Variants in VPS41 observed in about 807,000 individuals in gnomAD.
The protein encoded by VPS41 is vacuolar protein sorting-associated protein 41 homolog.
In VPS41, 85 loss-of-function variants were observed where a neutral mutation model predicts 130.9. The ratio of observed to expected loss-of-function variants is 0.65; its 90% CI spans 0.55 to 0.78. The LOEUF (loss-of-function observed/expected upper bound fraction) is 0.78. Ranked by LOEUF, VPS41 falls within the 30% of genes least tolerant of loss-of-function variation. The probability of loss-of-function intolerance (pLI) is 0.00; values close to 1 mark genes in which losing one functional copy is unlikely to be tolerated. For synonymous variants in VPS41, 335 were observed against 332.9 expected (o/e 1.01, Z -0.07); for missense variants, 874 against 1,018.7 (o/e 0.86, Z 1.93).
chr7:38,811,618 CA>C (rs1316679899), intron 7 of VPS41, among the ~76,000 whole-genome samples: 5 of 150,390 alleles, frequency 3.3e-5, no homozygotes, highest in South Asian at 2.1e-4. Context: ...CACACACACA[CA>C]CCCCTCCATA....
At chr7:38,844,243 T>C (rs1014816647) in intron 4 of VPS41, among the ~76,000 whole-genome samples, 1 of 152,238 alleles carries the variant, frequency 6.6e-6, no homozygotes, top group Non-Finnish European at 1.5e-5. Flanking sequence ...GCTGCAGTGC[T>C]TCAAGTAGCT....
rs914118386 is a variant in VPS41, at chr7:38,726,817, C to T, written c.2484+92G>A. On this transcript the variant is annotated intron_variant, in intron 28 of 28. Coordinates refer to ENST00000310301, the MANE Select transcript of VPS41 (RefSeq NM_014396.4). The stretch of plus-strand genomic sequence containing the variant: ...CATTGTAATTTTTTTTTAACCCATA[C>T]AGCCATAAGGATGAAGGGTTACAGT... 13 of 1,125,502 alleles carry T rather than the reference C, an allele frequency of 1.2e-5. No individual in the cohort carries two copies. The East Asian group carries it at 1.4e-4, about 12-fold the overall frequency. The allele number at this position is 1,125,502 out of a possible 1,614,324, so 69.7% of individuals were successfully genotyped here. A position where few individuals can be genotyped will look rare whatever the true frequency, so the allele number is the denominator to read the frequency against.
chr7:38,733,130 C>G (rs1459127638), intron 25 of VPS41, among the ~76,000 whole-genome samples: 1 of 152,144 alleles, frequency 6.6e-6, no homozygotes, highest in Non-Finnish European at 1.5e-5. Context: ...ATCCAGCCAG[C>G]TATTTTTTAA....
At chr7:38,895,270 C>T (rs1379244610) in intron 2 of VPS41, among the ~76,000 whole-genome samples, 2 of 150,954 alleles carry the variant, frequency 1.3e-5, no homozygotes, top group South Asian at 2.1e-4. Context: ...TGCAGTGAGC[C>T]GAGATCGTGC....
intron 10 of VPS41, 148 bp downstream of exon 10, chr7:38,789,653 C>A: frequency 1.5e-6 from 1 of 670,068 alleles, no homozygotes; most frequent in South Asian, 1.8e-5. Flanking sequence ...CAGCAGATGA[C>A]AGTAATTCAC....
chr7:38,792,204 G>C (rs1187397851), intron 9 of VPS41, among the ~76,000 whole-genome samples: 2 of 152,162 alleles, frequency 1.3e-5, no homozygotes, highest in African/African-American at 4.8e-5. Context: ...GGCAGGTAAA[G>C]GTGGGTGAAT....
intron 18 of VPS41, among the ~76,000 whole-genome samples, chr7:38,757,763 C>G (rs577342204): frequency 4.1e-4 from 62 of 152,178 alleles, no homozygotes; most frequent in African/African-American, 1.4e-3. Context: ...CTTGGCTAGA[C>G]CTGCAGTATA....
At chr7:38,821,442 C>G (rs1219494813) in intron 5 of VPS41, among the ~76,000 whole-genome samples, 177 bp from the exon 6 acceptor site, 1 of 152,148 alleles carries the variant, frequency 6.6e-6, no homozygotes, top group East Asian at 1.9e-4. Flanking sequence ...GTGGCTCACG[C>G]CTGTAATCCC....
At chr7:38,897,978 C>A (rs977765033) in intron 2 of VPS41, 113 bp downstream of exon 2, 23 of 870,264 alleles carry the variant, frequency 2.6e-5, no homozygotes, top group Non-Finnish European at 4.1e-5. Flanking sequence ...AGTTACCTAT[C>A]GCCCTGCTTT....
chr7:38,851,097 C>T (rs1036282692), intron 4 of VPS41, among the ~76,000 whole-genome samples: 1 of 152,224 alleles, frequency 6.6e-6, no homozygotes, highest in Non-Finnish European at 1.5e-5. Flanking sequence ...TTTCACATCA[C>T]TCACTATGTG....
rs569646249 is a variant in VPS41, at chr7:38,779,902, T to C, written c.785-3126A>G. On this transcript the variant is annotated intron_variant, in intron 10 of 28. Coordinates refer to ENST00000310301, the MANE Select transcript of VPS41 (RefSeq NM_014396.4). ...GTAATTACAGACTTTATATTTCAAA[T>C]TTTCAGTGGACGAATGGAAGTTTCA... is the stretch of plus-strand genomic sequence containing the variant. 2.7e-4 allele frequency among the ~76,000 whole-genome samples: 41 copies of C among 152,338 alleles called. 1 individual carries two copies. The highest frequency in any genetic ancestry group is 5.7e-4 in the Non-Finnish European group (39 of 68,040).
intron 17 of VPS41, among the ~76,000 whole-genome samples, chr7:38,761,689 C>T (rs1783925872): frequency 6.6e-6 from 1 of 151,994 alleles, no homozygotes; most frequent in Non-Finnish European, 1.5e-5. Flanking sequence ...CCTCTAGGGT[C>T]AAGTGATCCT....
intron 14 of VPS41, among the ~76,000 whole-genome samples, chr7:38,768,496 T>C (rs1358299905): frequency 6.6e-6 from 1 of 152,208 alleles, no homozygotes; most frequent in African/African-American, 2.4e-5. Flanking sequence ...ATAACTAATG[T>C]ATAGGACTAA....
intron 5 of VPS41, among the ~76,000 whole-genome samples, chr7:38,824,769 C>T (rs892692577): frequency 6.6e-6 from 1 of 152,046 alleles, no homozygotes; most frequent in East Asian, 1.9e-4. Context: ...GCTGATTATT[C>T]ATTCAAATGG....
intron 17 of VPS41, among the ~76,000 whole-genome samples, chr7:38,760,208 A>G (rs1041966158): frequency 1.3e-5 from 2 of 152,234 alleles, no homozygotes; most frequent in Non-Finnish European, 2.9e-5. Flanking sequence ...CTGATCCTTG[A>G]CAATGTTTAG....
intron 22 of VPS41, among the ~76,000 whole-genome samples, chr7:38,748,229 A>G (rs180930387): frequency 2.0e-5 from 3 of 152,330 alleles, no homozygotes; most frequent in African/African-American, 4.8e-5. Context: ...GCGTGCGCGC[A>G]CACACACGCG....
intron 11 of VPS41, among the ~76,000 whole-genome samples, chr7:38,776,445 G>T (rs754344951): frequency 2.6e-5 from 4 of 152,024 alleles, no homozygotes; most frequent in Non-Finnish European, 4.4e-5. Flanking sequence ...TACCAAGAGA[G>T]GTCGAAAAAA....
At chr7:38,883,816 C>A (rs941317787) in intron 2 of VPS41, among the ~76,000 whole-genome samples, 1 of 152,102 alleles carries the variant, frequency 6.6e-6, no homozygotes, top group Non-Finnish European at 1.5e-5. Context: ...ATCTTGCCCC[C>A]AGAAAGTTTC....
rs1224567330 is a variant in VPS41, at chr7:38,728,725, G to C, written c.2326C>G (p.His776Asp). The change falls in exon 26 of 29, where the codon CAC becomes GAC. Residue 776 changes from histidine (H) to aspartate (D), a missense_variant. Coordinates refer to ENST00000310301, the MANE Select transcript of VPS41 (RefSeq NM_014396.4). ...AGAACACCTTTCATTTGAGTTCGGT[G>C]CATTTTCTTCAGTAAGGACAAAGAG... ...ADSLSLLKKM[H>D]RTQMKGVLVD... 1 of 1,614,134 alleles carries C rather than the reference G, an allele frequency of 6.2e-7. No individual in the cohort carries two copies. The highest frequency in any genetic ancestry group is 1.7e-5 in the Admixed American group (1 of 60,018).
Sources: gnomAD v4.1 joint callset for allele counts (sites outside exome capture counted in the v4.1 genomes callset) on GRCh38, gnomAD v4.1.1 for gene constraint, MANE v1.5 for transcripts, NCBI Gene and HGNC (gene_info 2026-07-23, HGNC 2026-07-21) for gene names.